NOL4: variants seen among roughly 807,000 people sequenced by gnomAD.
NOL4 encodes the protein cancer/testis antigen 125.
NOL4 carries 17 observed loss-of-function variants against 75.9 expected under a neutral mutation model. The observed-to-expected ratio is 0.22, with a 90% CI of 0.15 to 0.34. The LOEUF (loss-of-function observed/expected upper bound fraction) is 0.34. NOL4 is among the 10% of genes least tolerant of loss of function. NOL4 has a pLI of 1.00. For missense variants in NOL4, 614 were observed against 793.5 expected (o/e 0.77, Z 2.72); for synonymous variants, 292 against 289.9 (o/e 1.01, Z -0.07).
At chr18:33,993,295 T>C (rs761906551) in intron 6 of NOL4, among the ~76,000 whole-genome samples, 7 of 151,824 alleles carry the variant, frequency 4.6e-5, no homozygotes, top group Non-Finnish European at 8.8e-5. Context: ...GAGAAATAAA[T>C]AGTCTAAGAG....
chr18:33,912,818 T>C (rs771398497), intron 9 of NOL4, among the ~76,000 whole-genome samples: 5 of 152,068 alleles, frequency 3.3e-5, no homozygotes, highest in Non-Finnish European at 7.4e-5. Flanking sequence ...TAGGTCCCCA[T>C]TGTATGCAAC....
chr18:34,129,083 G>A (rs538546662), intron 2 of NOL4, among the ~76,000 whole-genome samples: 1 of 151,852 alleles, frequency 6.6e-6, no homozygotes, highest in South Asian at 2.1e-4. Context: ...TCCTAGACAG[G>A]ATGAAATATC....
intron 5 of NOL4, among the ~76,000 whole-genome samples, chr18:34,049,101 C>T (rs2076520495): frequency 1.4e-5 from 2 of 143,596 alleles, no homozygotes; most frequent in South Asian, 4.3e-4. Context: ...CACACACACA[C>T]ACACACACAC....
rs62095774 is a variant in NOL4 at position 34,071,438 on chromosome 18, G to C, written c.772+22027C>G. On this transcript the variant is annotated intron_variant, in intron 5 of 10. Transcript: ENST00000261592. The stretch of plus-strand genomic sequence containing the variant: ...ACACAAATAGACAGACAGACAGACA[G>C]ACACACACACACACACACACACACA... 8.2e-3 allele frequency among the ~76,000 whole-genome samples: 1,205 copies of C among 147,790 alleles called. 11 individuals are homozygous for C. Among genetic ancestry groups the C allele is most frequent in the Admixed American group, 0.011 (168 of 14,736 alleles).
At chr18:34,107,401 C>T (rs114422572) in intron 2 of NOL4, among the ~76,000 whole-genome samples, 1,872 of 151,978 alleles carry the variant, frequency 0.012, 37 homozygotes, top group African/African-American at 0.043. Flanking sequence ...TTATTCTTTC[C>T]GGTATGGCTC....
chr18:34,167,333 C>T (rs1345265661), intron 1 of NOL4, among the ~76,000 whole-genome samples: 5 of 151,930 alleles, frequency 3.3e-5, no homozygotes, highest in African/African-American at 1.2e-4. Context: ...TTTCTTACAC[C>T]TCCTACATAT....
At chr18:34,079,960 T>C (rs949735718) in intron 5 of NOL4, among the ~76,000 whole-genome samples, 3 of 152,240 alleles carry the variant, frequency 2.0e-5, no homozygotes, top group African/African-American at 7.2e-5. Context: ...CTAAGGGCTG[T>C]TCATTGGGAA....
At chr18:34,001,087 A>G (rs1477325062) in intron 6 of NOL4, among the ~76,000 whole-genome samples, 1 of 152,180 alleles carries the variant, frequency 6.6e-6, no homozygotes, top group Admixed American at 6.5e-5. Context: ...TTAGGACAAT[A>G]TATCTTAATG....
chr18:33,980,197 CA>C (rs1269688995), intron 6 of NOL4, among the ~76,000 whole-genome samples: 1 of 151,970 alleles, frequency 6.6e-6, no homozygotes, highest in African/African-American at 2.4e-5. Flanking sequence ...AGCAGAAACC[CA>C]CATCCATGGG....
At chr18:34,107,967 C>A (rs2079389631) in intron 2 of NOL4, among the ~76,000 whole-genome samples, 1 of 152,132 alleles carries the variant, frequency 6.6e-6, no homozygotes, top group Non-Finnish European at 1.5e-5. Context: ...TATGTCAACT[C>A]TCCCTCAAAC....
chr18:34,107,943 G>A (rs28706275), intron 2 of NOL4, among the ~76,000 whole-genome samples: 3,888 of 152,128 alleles, frequency 0.026, 174 homozygotes, highest in African/African-American at 0.085. Context: ...TAGAAAAGAC[G>A]GTTTCACATT....
intron 2 of NOL4, among the ~76,000 whole-genome samples, chr18:34,127,621 T>C (rs897360904): frequency 2.6e-5 from 4 of 151,952 alleles, no homozygotes. Flanking sequence ...AACCGTTCTA[T>C]TTCAAATCAC....
chr18:34,092,553 G>T (rs1051354674), intron 5 of NOL4, among the ~76,000 whole-genome samples: 45 of 152,186 alleles, frequency 3.0e-4, no homozygotes, highest in African/African-American at 1.1e-3. Flanking sequence ...GCAATCTTTT[G>T]CAACCAGTTT....
At chr18:33,955,205 A>G (rs1034729950) in intron 8 of NOL4, among the ~76,000 whole-genome samples, 1 of 152,084 alleles carries the variant, frequency 6.6e-6, no homozygotes, top group East Asian at 1.9e-4. Flanking sequence ...TTTTTGATAT[A>G]ATTTTCAGTT....
intron 1 of NOL4, among the ~76,000 whole-genome samples, chr18:34,210,493 A>G (rs1355075295): frequency 6.6e-6 from 1 of 152,228 alleles, no homozygotes; most frequent in Non-Finnish European, 1.5e-5. Context: ...GAAAAACATA[A>G]CCAATGCTAT....
intron 5 of NOL4, among the ~76,000 whole-genome samples, chr18:34,087,053 T>G (rs1394770233): frequency 1.3e-5 from 2 of 152,132 alleles, no homozygotes; most frequent in African/African-American, 2.4e-5. Flanking sequence ...TTAGACCTAT[T>G]GCCATTTTGG....
chr18:34,121,404 C>T (rs1417299850), intron 2 of NOL4: 1 of 152,136 alleles, frequency 6.6e-6, no homozygotes, highest in Non-Finnish European at 1.5e-5. Flanking sequence ...TGCAACTCCC[C>T]TTGTTAAAGT....
At chr18:33,911,549 T>A (rs1346547149) in intron 9 of NOL4, among the ~76,000 whole-genome samples, 1 of 152,202 alleles carries the variant, frequency 6.6e-6, no homozygotes, top group Non-Finnish European at 1.5e-5. Flanking sequence ...CAGGAGTTCT[T>A]TTTTGCTTGC....
intron 6 of NOL4, among the ~76,000 whole-genome samples, chr18:33,981,852 A>G (rs534065440): frequency 6.6e-6 from 1 of 152,224 alleles, no homozygotes; most frequent in East Asian, 1.9e-4. Flanking sequence ...CAATCGTACA[A>G]TAACCATAGT....
Sources: allele counts gnomAD v4.1 joint callset (sites outside exome capture counted in the v4.1 genomes callset), GRCh38; gene constraint gnomAD v4.1.1; transcripts MANE v1.5; gene names NCBI Gene and HGNC (gene_info 2026-07-23, HGNC 2026-07-21).